Variants in SUMF1 observed in about 807,000 individuals in gnomAD.
SUMF1 encodes the protein formylglycine-generating enzyme.
A neutral mutation model predicts 47.6 loss-of-function variants in SUMF1; 48 were observed. The ratio of observed to expected loss-of-function variants is 1.01; its 90% confidence interval spans 0.80 to 1.28. SUMF1 has a LOEUF of 1.28. SUMF1 is among the 50% of genes most tolerant of loss of function. SUMF1 has a pLI of 0.00. For missense variants in SUMF1, 571 were observed against 485.4 expected (o/e 1.18, Z -1.66); for synonymous variants, 230 against 192.1 (o/e 1.20, Z -1.63).
At position 4,215,192 on chromosome 3, in the gene SUMF1, T is replaced by C. The variant is rs560846025; in HGVS notation, c.1015-146447A>G. ...AATCCAGCAGCACATGAAATGCTTA[T>C]CCACCACGATCAAGTCGGCTTCATC... On this transcript the variant is annotated intron_variant and NMD_transcript_variant, in intron 8 of 12. Transcript: ENST00000448413. 7.9e-5 allele frequency among the ~76,000 whole-genome samples: 12 copies of C among 152,274 alleles called. No homozygotes were observed. The East Asian group carries it at 1.7e-3, about 22-fold the overall frequency.
chr3:4,335,953 T>G (rs2322681), intron 8 of SUMF1, among the ~76,000 whole-genome samples: 35,367 of 78,804 alleles, frequency 0.45, 5,785 homozygotes, highest in Admixed American at 0.57. Context: ...TGAGTGAGAT[T>G]CCAACTCAAA....
At chr3:4,337,491 C>T (rs954378584) in intron 8 of SUMF1, among the ~76,000 whole-genome samples, 9 of 152,126 alleles carry the variant, frequency 5.9e-5, no homozygotes, top group Non-Finnish European at 2.9e-5. Context: ...TTAATGCTCC[C>T]GGATTTATAA....
rs532448693 is a variant in SUMF1, at chr3:4,039,526, T to C, written c.1191+29043A>G. Among the ~76,000 whole-genome samples the C allele has an allele frequency of 1.3e-3, 179 of 142,498 alleles. 2 individuals carry two copies. The highest frequency in any genetic ancestry group is 1.0e-3 in the Non-Finnish European group (69 of 66,512). The allele number at this position is 142,498 out of a possible 152,430, so 93.5% of individuals were successfully genotyped here. On this transcript the variant is annotated intron_variant and NMD_transcript_variant, in intron 9 of 12. Transcript: ENST00000448413. ...CTGAGAATGATGGTTTCCAATTTCA[T>C]CCATGTCCCTACAAAGGATATGAAC...
chr3:4,374,512 C>A (rs1034903460), intron 8 of SUMF1, among the ~76,000 whole-genome samples: 22 of 152,196 alleles, frequency 1.4e-4, no homozygotes, highest in African/African-American at 5.3e-4. Context: ...GGAATTAGGA[C>A]AGTTAATGTC....
At chr3:4,171,906 C>A (rs1243129308) in intron 8 of SUMF1, among the ~76,000 whole-genome samples, 2 of 152,082 alleles carry the variant, frequency 1.3e-5, no homozygotes, top group Non-Finnish European at 2.9e-5. Flanking sequence ...ACCACGATAT[C>A]CTTCTGTGCC....
At chr3:4,340,719 T>C (rs58036041) in intron 8 of SUMF1, among the ~76,000 whole-genome samples, 3,233 of 152,210 alleles carry the variant, frequency 0.021, 109 homozygotes, top group African/African-American at 0.074. Context: ...GATGGATCAG[T>C]TGTCGGGGAA....
intron 8 of SUMF1, among the ~76,000 whole-genome samples, chr3:4,190,885 A>C (rs1695300928): frequency 6.6e-6 from 1 of 152,152 alleles, no homozygotes; most frequent in African/African-American, 2.4e-5. Context: ...CCCCACTATA[A>C]TCGGGGTGCT....
At chr3:4,411,276 C>T (rs776881366) in intron 6 of SUMF1, among the ~76,000 whole-genome samples, 2 of 152,072 alleles carry the variant, frequency 1.3e-5, no homozygotes, top group African/African-American at 2.4e-5. Context: ...TTGTGTCAAA[C>T]ATTGGGTGAG....
chr3:4,254,934 G>A (rs1696909317), intron 8 of SUMF1, among the ~76,000 whole-genome samples: 1 of 152,126 alleles, frequency 6.6e-6, no homozygotes, highest in Non-Finnish European at 1.5e-5. Context: ...AACCCTACAA[G>A]CCAGAAGAGA....
chr3:4,286,944 G>A (rs939865676), intron 8 of SUMF1, among the ~76,000 whole-genome samples: 13 of 152,148 alleles, frequency 8.5e-5, no homozygotes, highest in Non-Finnish European at 1.9e-4. Flanking sequence ...TTCTCAAAGT[G>A]TGGTCCAGGG....
chr3:4,423,323 T>C (rs188154419), intron 3 of SUMF1, among the ~76,000 whole-genome samples: 44 of 141,638 alleles, frequency 3.1e-4, no homozygotes, highest in African/African-American at 8.9e-4. Context: ...CACAATGGAA[T>C]ACTACTCAGC....
At chr3:4,159,297 T>A (rs370384663) in intron 8 of SUMF1, among the ~76,000 whole-genome samples, 1 of 150,592 alleles carries the variant, frequency 6.6e-6, no homozygotes, top group African/African-American at 2.5e-5. Context: ...TTTTTGTGCA[T>A]CCATTGCATG....
chr3:4,336,747 A>T (rs767488762), intron 8 of SUMF1, among the ~76,000 whole-genome samples: 1 of 152,250 alleles, frequency 6.6e-6, no homozygotes, highest in Non-Finnish European at 1.5e-5. Flanking sequence ...AGATAATTCA[A>T]TTTAGATACA....
chr3:4,440,512 TA>T (rs1702551052), intron 3 of SUMF1, among the ~76,000 whole-genome samples: 1 of 152,202 alleles, frequency 6.6e-6, no homozygotes, highest in Non-Finnish European at 1.5e-5. Flanking sequence ...GTTCTCTTTC[TA>T]GTTTAGAGTT....
chr3:4,330,817 T>G (rs1032615338), intron 8 of SUMF1, among the ~76,000 whole-genome samples: 1 of 152,222 alleles, frequency 6.6e-6, no homozygotes, highest in Non-Finnish European at 1.5e-5. Flanking sequence ...CTGAAGCCAA[T>G]TTTTAGTAAA....
chr3:4,372,800 A>G (rs1186762555), intron 8 of SUMF1, among the ~76,000 whole-genome samples: 2 of 152,262 alleles, frequency 1.3e-5, no homozygotes, highest in East Asian at 3.8e-4. Flanking sequence ...ATAATTTAGT[A>G]AAAGCTGTTA....
chr3:4,161,559 GTC>G (rs1001403678), intron 8 of SUMF1, among the ~76,000 whole-genome samples: 3 of 151,934 alleles, frequency 2.0e-5, no homozygotes, highest in African/African-American at 7.3e-5. Context: ...GGGGAGTGGA[GTC>G]TCTCTCCATA....
chr3:4,230,464 T>C (rs1214711777), intron 8 of SUMF1, among the ~76,000 whole-genome samples: 13 of 152,100 alleles, frequency 8.5e-5, no homozygotes, highest in Admixed American at 7.9e-4. Flanking sequence ...CTTATATTTA[T>C]TGGTTTATTA....
intron 9 of SUMF1, among the ~76,000 whole-genome samples, chr3:4,059,145 T>C (rs2125026739): frequency 6.6e-6 from 1 of 152,116 alleles, no homozygotes; most frequent in East Asian, 1.9e-4. Flanking sequence ...ACCAATATAC[T>C]TGTGTTTAAA....
Sources: gnomAD v4.1 joint callset for allele counts (sites outside exome capture counted in the v4.1 genomes callset) on GRCh38, gnomAD v4.1.1 for gene constraint, MANE v1.5 for transcripts, NCBI Gene and HGNC (gene_info 2026-07-23, HGNC 2026-07-21) for gene names.